PCDH9: variants seen among roughly 807,000 people sequenced by gnomAD.
PCDH9 encodes protocadherin 9.
A neutral mutation model predicts 70.6 loss-of-function variants in PCDH9; 24 were observed. That is an observed-to-expected ratio of 0.34 (90% CI 0.25 to 0.48). The LOEUF is 0.48. PCDH9 is among the 20% of genes least tolerant of loss of function. PCDH9 has a pLI of 0.99. For synonymous variants in PCDH9, 562 were observed against 558.5 expected, an observed-to-expected ratio of 1.01 and a Z score of -0.09; for missense variants, 1,281 against 1,503.6, an observed-to-expected ratio of 0.85 and a Z score of 2.45.
At chr13:66,409,101 G>A (rs1322130691) in intron 4 of PCDH9, among the ~76,000 whole-genome samples, 1 of 152,042 alleles carries the variant, frequency 6.6e-6, no homozygotes, top group Non-Finnish European at 1.5e-5. Flanking sequence ...TGTGTGGACT[G>A]GATTGGGTAG....
chr13:66,520,558 T>A (rs1159001454), intron 4 of PCDH9, among the ~76,000 whole-genome samples: 2 of 152,226 alleles, frequency 1.3e-5, no homozygotes, highest in Admixed American at 1.3e-4. Context: ...TTCATTTTAA[T>A]GCTTGTTGCC....
intron 3 of PCDH9, among the ~76,000 whole-genome samples, chr13:66,712,700 T>C (rs996224844): frequency 1.3e-5 from 2 of 152,192 alleles, no homozygotes; most frequent in African/African-American, 2.4e-5. Flanking sequence ...TTTCTATTGT[T>C]GCTAGTTCTA....
chr13:66,342,595 A>T (rs1013253647), intron 4 of PCDH9, among the ~76,000 whole-genome samples: 2 of 152,158 alleles, frequency 1.3e-5, no homozygotes. Context: ...AAACCCTTTC[A>T]GTCTGTCTCC....
intron 4 of PCDH9, among the ~76,000 whole-genome samples, chr13:66,529,919 A>T (rs1200229797): frequency 1.3e-5 from 2 of 151,596 alleles, no homozygotes; most frequent in Admixed American, 6.6e-5. Flanking sequence ...AAAAAAAAAT[A>T]TTTTTTTCTA....
chr13:66,660,883 T>G (rs976816830), intron 3 of PCDH9, among the ~76,000 whole-genome samples: 3 of 152,066 alleles, frequency 2.0e-5, no homozygotes, highest in African/African-American at 7.2e-5. Context: ...TGGAAATATT[T>G]TATATTTTAG....
intron 4 of PCDH9, among the ~76,000 whole-genome samples, chr13:66,413,720 T>TA (rs1358325968): frequency 6.6e-6 from 1 of 151,604 alleles, no homozygotes; most frequent in Non-Finnish European, 1.5e-5. Context: ...AATAAAATAT[T>TA]AAAAAAAGGA....
At chr13:66,863,269 T>C (rs1660924323) in intron 3 of PCDH9, among the ~76,000 whole-genome samples, 1 of 152,174 alleles carries the variant, frequency 6.6e-6, no homozygotes, top group African/African-American at 2.4e-5. Context: ...TTCTCATCTG[T>C]AAAGCAGTGG....
At chr13:67,163,636 T>C (rs1009950075) in intron 2 of PCDH9, among the ~76,000 whole-genome samples, 2 of 152,196 alleles carry the variant, frequency 1.3e-5, no homozygotes, top group African/African-American at 4.8e-5. Flanking sequence ...GAGCAGACCA[T>C]GAGAAAAGTT....
intron 4 of PCDH9, among the ~76,000 whole-genome samples, chr13:66,346,391 C>CTG (rs143040220): frequency 1.9e-4 from 29 of 151,954 alleles, no homozygotes; most frequent in Non-Finnish European, 2.9e-4. Flanking sequence ...ACTGCATGTG[C>CTG]TGTGTGTGTG....
chr13:66,713,468 T>G (rs941245265), intron 3 of PCDH9, among the ~76,000 whole-genome samples: 1 of 151,198 alleles, frequency 6.6e-6, no homozygotes, highest in African/African-American at 2.4e-5. Flanking sequence ...TCACTCTCTC[T>G]CCCAACAAAA....
intron 4 of PCDH9, among the ~76,000 whole-genome samples, chr13:66,407,415 T>C (rs1435935419): frequency 6.6e-6 from 1 of 152,178 alleles, no homozygotes; most frequent in Admixed American, 6.5e-5. Flanking sequence ...ATTTATTCTA[T>C]AACTCCGTAG....
chr13:66,628,922 T>G (rs557206589), intron 4 of PCDH9, among the ~76,000 whole-genome samples: 1 of 152,306 alleles, frequency 6.6e-6, no homozygotes, highest in East Asian at 1.9e-4. Context: ...ATTTTATCCT[T>G]ATAGCTATTA....
At chr13:67,139,768 C>T (rs1415963455) in intron 2 of PCDH9, among the ~76,000 whole-genome samples, 1 of 152,162 alleles carries the variant, frequency 6.6e-6, no homozygotes, top group Non-Finnish European at 1.5e-5. Flanking sequence ...CCCAATCTGA[C>T]TCTGCATATG....
At chr13:67,085,041 A>G (rs2086078899) in intron 2 of PCDH9, among the ~76,000 whole-genome samples, 2 of 130,924 alleles carry the variant, frequency 1.5e-5, no homozygotes, top group Non-Finnish European at 1.6e-5. Flanking sequence ...TTGCCATTTC[A>G]TCTTATAATG....
At chr13:66,687,105 T>A (rs1300758860) in intron 3 of PCDH9, among the ~76,000 whole-genome samples, 3 of 152,130 alleles carry the variant, frequency 2.0e-5, no homozygotes, top group Non-Finnish European at 4.4e-5. Flanking sequence ...ATGAGGGTTA[T>A]TAAGCATAAG....
intron 2 of PCDH9, among the ~76,000 whole-genome samples, chr13:66,952,081 G>A (rs1393318154): frequency 6.6e-6 from 1 of 152,086 alleles, no homozygotes; most frequent in Non-Finnish European, 1.5e-5. Flanking sequence ...GAATTTTGTT[G>A]TATCTTCAAT....
At chr13:66,386,080 C>T (rs889292318) in intron 4 of PCDH9, among the ~76,000 whole-genome samples, 1 of 151,138 alleles carries the variant, frequency 6.6e-6, no homozygotes, top group Non-Finnish European at 1.5e-5. Flanking sequence ...TCCATAGGTT[C>T]TTCTCTTATA....
At chr13:66,593,208 C>T (rs1253672872) in intron 4 of PCDH9, among the ~76,000 whole-genome samples, 1 of 151,546 alleles carries the variant, frequency 6.6e-6, no homozygotes, top group Non-Finnish European at 1.5e-5. Context: ...GTATAGATGC[C>T]TGATTGAAGA....
chr13:66,720,210 T>C (rs2078923286), intron 3 of PCDH9, among the ~76,000 whole-genome samples: 1 of 152,070 alleles, frequency 6.6e-6, no homozygotes, highest in Admixed American at 6.6e-5. Flanking sequence ...TGGAGTACAG[T>C]GGTGCTATTT....
Sources: allele counts gnomAD v4.1 joint callset (sites outside exome capture counted in the v4.1 genomes callset), GRCh38; gene constraint gnomAD v4.1.1; transcripts MANE v1.5; gene names NCBI Gene and HGNC (gene_info 2026-07-23, HGNC 2026-07-21).